DOCK3: variants seen among roughly 807,000 people sequenced by gnomAD.
DOCK3 encodes dedicator of cytokinesis protein 3.
A neutral mutation model predicts 265.6 loss-of-function variants in DOCK3; 60 were observed. The observed-to-expected ratio is 0.23, with a 90% confidence interval of 0.18 to 0.28. The LOEUF (loss-of-function observed/expected upper bound fraction) is 0.28, where lower values mean the gene tolerates loss of function less well. Among genes scored for constraint, DOCK3 ranks in the 10% least tolerant of loss-of-function variants. The pLI, the probability that DOCK3 is intolerant of heterozygous loss-of-function variation, is 1.00. For synonymous variants in DOCK3, 881 were observed against 938.0 expected, an observed-to-expected ratio of 0.94 and a Z score of 1.11; for missense variants, 1,981 against 2,594.3, an observed-to-expected ratio of 0.76 and a Z score of 5.14.
At chr3:50,712,469 C>A (rs1446899858) in intron 1 of DOCK3, among the ~76,000 whole-genome samples, 5 of 152,174 alleles carry the variant, frequency 3.3e-5, no homozygotes, top group African/African-American at 1.2e-4. Flanking sequence ...TCCTGAGTAG[C>A]TGGAACTATA....
At chr3:50,848,365 G>C (rs765265212) in intron 3 of DOCK3, among the ~76,000 whole-genome samples, 38 of 152,278 alleles carry the variant, frequency 2.5e-4, no homozygotes, top group Non-Finnish European at 4.0e-4. Context: ...CTGCTTTTTA[G>C]TTTCTAATGT....
intron 36 of DOCK3, 81 bp downstream of exon 36, chr3:51,338,500 C>T (rs1334106043): frequency 6.8e-7 from 1 of 1,474,384 alleles, no homozygotes; most frequent in Non-Finnish European, 9.3e-7. Context: ...GGCCCTTCTA[C>T]AATACATGGC....
intron 12 of DOCK3, among the ~76,000 whole-genome samples, chr3:51,202,544 A>G (rs2088861504): frequency 1.3e-5 from 2 of 152,202 alleles, no homozygotes; most frequent in Admixed American, 6.5e-5. Flanking sequence ...CCAACCAAAA[A>G]GAGTCCAGGA....
At chr3:51,309,421 A>G (rs1183897343) in intron 27 of DOCK3, among the ~76,000 whole-genome samples, 1 of 152,142 alleles carries the variant, frequency 6.6e-6, no homozygotes, top group Non-Finnish European at 1.5e-5. Flanking sequence ...GTCTCCACCA[A>G]AAAAATACGA....
intron 5 of DOCK3, among the ~76,000 whole-genome samples, chr3:51,039,903 T>C (rs1410238444): frequency 6.9e-6 from 1 of 145,564 alleles, no homozygotes; most frequent in African/African-American, 2.5e-5. Flanking sequence ...TTTTTTTTTT[T>C]TTAACATATA....
intron 5 of DOCK3, among the ~76,000 whole-genome samples, chr3:50,985,870 A>T (rs912552238): frequency 3.2e-4 from 48 of 151,846 alleles, no homozygotes; most frequent in South Asian, 8.3e-4. Flanking sequence ...TAAACCCGGG[A>T]TGTATTGTCT....
At chr3:50,789,605 A>G (rs940983571) in intron 2 of DOCK3, among the ~76,000 whole-genome samples, 2 of 152,214 alleles carry the variant, frequency 1.3e-5, no homozygotes, top group African/African-American at 4.8e-5. Flanking sequence ...TTGTGTTGCC[A>G]TCCATCACAT....
chr3:51,354,510 C>A (rs934654641), intron 40 of DOCK3, among the ~76,000 whole-genome samples: 1 of 152,204 alleles, frequency 6.6e-6, no homozygotes, highest in African/African-American at 2.4e-5. Flanking sequence ...ACGGTACCCA[C>A]ATAGATTGCC....
chr3:50,677,271 C>G (rs1037767142), intron 1 of DOCK3, among the ~76,000 whole-genome samples: 6 of 152,218 alleles, frequency 3.9e-5, no homozygotes, highest in Non-Finnish European at 5.9e-5. Context: ...TTCCACTGTC[C>G]CTTCCTTAGT....
At chr3:51,369,032 A>G (rs1259761962) in intron 49 of DOCK3, among the ~76,000 whole-genome samples, 3 of 152,256 alleles carry the variant, frequency 2.0e-5, no homozygotes, top group Non-Finnish European at 4.4e-5. Flanking sequence ...CAAAAACCCC[A>G]TCTGTACGTC....
intron 7 of DOCK3, among the ~76,000 whole-genome samples, chr3:51,079,897 A>T (rs1391643247): frequency 6.6e-6 from 1 of 152,354 alleles, no homozygotes; most frequent in East Asian, 1.9e-4. Flanking sequence ...GAATGCTTGC[A>T]TTATAGCCCC....
chr3:50,685,559 A>C (rs991545519), intron 1 of DOCK3: 1 of 153,294 alleles, frequency 6.5e-6, no homozygotes, highest in Admixed American at 6.5e-5. Context: ...AGTTCCAGTG[A>C]GTGTATGCTT....
chr3:51,070,976 G>GA (rs1560020437), intron 6 of DOCK3, among the ~76,000 whole-genome samples: 1 of 152,166 alleles, frequency 6.6e-6, no homozygotes, highest in Non-Finnish European at 1.5e-5. Context: ...CCGATCCGTG[G>GA]AAAAATTGTC....
At chr3:51,024,842 C>T (rs1347023130) in intron 5 of DOCK3, among the ~76,000 whole-genome samples, 1 of 152,182 alleles carries the variant, frequency 6.6e-6, no homozygotes. Context: ...TTCTTGAATG[C>T]TGGTAATACT....
rs199856357 is a variant in DOCK3, at chr3:51,198,973, TG to T, written c.1038-9800del. Among the ~76,000 whole-genome samples the T allele has an allele frequency of 1.3e-3, 198 of 151,954 alleles. 3 individuals carry two copies. In the East Asian group the frequency reaches 0.034, roughly 26 times the overall value. On this transcript the variant is annotated intron_variant, in intron 12 of 52. Transcript: ENST00000266037. ...GAAACCAGGGAGGTGGAGGTTGCAGTGACCCGAAGACGTGCCATTGCACTCC... is the reference window on the plus strand; with the variant it reads ...GAAACCAGGGAGGTGGAGGTTGCAGTACCCGAAGACGTGCCATTGCACTCC...
intron 14 of DOCK3, among the ~76,000 whole-genome samples, chr3:51,217,978 G>A (rs534044286): frequency 6.6e-6 from 1 of 151,508 alleles, no homozygotes; most frequent in African/African-American, 2.4e-5. Context: ...ATTAGCCGGG[G>A]GTCGTGGTGG....
At chr3:51,053,723 A>C (rs1373927385) in intron 5 of DOCK3, among the ~76,000 whole-genome samples, 1 of 152,068 alleles carries the variant, frequency 6.6e-6, no homozygotes, top group Non-Finnish European at 1.5e-5. Context: ...GCTGGGCTGT[A>C]TCACCATTTT....
chr3:51,181,653 A>T (rs1264652866), intron 12 of DOCK3, among the ~76,000 whole-genome samples: 1 of 152,194 alleles, frequency 6.6e-6, no homozygotes, highest in Non-Finnish European at 1.5e-5. Context: ...AAACATGAGA[A>T]AGTTATGGAG....
chr3:50,720,866 A>ATT (rs1451436944), intron 1 of DOCK3, among the ~76,000 whole-genome samples: 1 of 151,992 alleles, frequency 6.6e-6, no homozygotes, highest in East Asian at 1.9e-4. Context: ...AGTGTCTATT[A>ATT]TTTTTTGACT....
Sources: allele counts gnomAD v4.1 joint callset (sites outside exome capture counted in the v4.1 genomes callset), GRCh38; gene constraint gnomAD v4.1.1; transcripts MANE v1.5; gene names NCBI Gene and HGNC (gene_info 2026-07-23, HGNC 2026-07-21).